Variants in TRHR observed in about 807,000 individuals in gnomAD.
TRHR encodes thyrotropin releasing hormone receptor, also known as thyrotropin-releasing hormone receptor.
In TRHR, 14 loss-of-function variants were observed where a neutral mutation model predicts 28.0. The observed-to-expected ratio is 0.50, with a 90% confidence interval of 0.33 to 0.78. The LOEUF (loss-of-function observed/expected upper bound fraction) is 0.78. Ranked by LOEUF, TRHR falls within the 30% of genes least tolerant of loss-of-function variation. The pLI, the probability that TRHR is intolerant of heterozygous loss-of-function variation, is 0.02. For synonymous variants in TRHR, 176 were observed against 171.9 expected (o/e 1.02, Z -0.18); for missense variants, 438 against 469.5 (o/e 0.93, Z 0.62).
chr8:109,090,760 C>T (rs1194726598), intron 2 of TRHR, among the ~76,000 whole-genome samples: 3 of 152,070 alleles, frequency 2.0e-5, no homozygotes, highest in Non-Finnish European at 4.4e-5. Flanking sequence ...GTATTCCATG[C>T]ATAAAGGACA....
At chr8:109,095,406 A>G (rs992240387) in intron 2 of TRHR, among the ~76,000 whole-genome samples, 2 of 152,182 alleles carry the variant, frequency 1.3e-5, no homozygotes, top group Non-Finnish European at 2.9e-5. Context: ...GGAAAGTTCA[A>G]CAGAAAGGGG....
chr8:109,087,468 T>C lies in TRHR; in HGVS notation c.-45T>C, dbSNP rs760434929. 6.2e-6 allele frequency: 10 copies of C among 1,609,214 alleles called. No homozygotes were observed. Among genetic ancestry groups the C allele is most frequent in the South Asian group, 1.1e-5 (1 of 91,002 alleles). On this transcript the variant is annotated 5_prime_UTR_variant, in exon 2 of 3. It removes an upstream start codon present in the reference 5' UTR. Coordinates refer to ENST00000518632, the MANE Select transcript of TRHR (RefSeq NM_003301.7). ...ATAAAGGTGGGCGCTGGAAAGAAGA[T>C]GTTTTGAGAAGTCAGTGTTTCCGAG...
At chr8:109,095,096 A>T (rs1163549085) in intron 2 of TRHR, among the ~76,000 whole-genome samples, 1 of 151,948 alleles carries the variant, frequency 6.6e-6, no homozygotes, top group East Asian at 1.9e-4. Context: ...GGTCATTCTT[A>T]TTCAATATGT....
intron 2 of TRHR, among the ~76,000 whole-genome samples, chr8:109,101,223 A>T (rs1811673319): frequency 6.6e-6 from 1 of 152,196 alleles, no homozygotes; most frequent in Non-Finnish European, 1.5e-5. Context: ...GCCTAACAGA[A>T]TAAGGTAAAT....
intron 2 of TRHR, among the ~76,000 whole-genome samples, chr8:109,091,838 T>C (rs1211756654): frequency 6.6e-6 from 1 of 152,246 alleles, no homozygotes; most frequent in African/African-American, 2.4e-5. Flanking sequence ...TCTGACTAAA[T>C]ACATTGCTTT....
intron 2 of TRHR, 94 bp from the exon 3 acceptor site, chr8:109,118,954 A>T (rs904968003): frequency 1.7e-4 from 255 of 1,511,306 alleles, no homozygotes; most frequent in Non-Finnish European, 1.7e-4. Flanking sequence ...CTCAGACTAC[A>T]TTTTGGGAAC....
intron 2 of TRHR, among the ~76,000 whole-genome samples, chr8:109,104,306 T>G: frequency 6.6e-6 from 1 of 152,088 alleles, no homozygotes. Context: ...CACCAAAAAT[T>G]TATCATAAAG....
intron 2 of TRHR, among the ~76,000 whole-genome samples, chr8:109,105,325 AC>A (rs1409310143): frequency 2.6e-5 from 4 of 152,208 alleles, no homozygotes; most frequent in Non-Finnish European, 5.9e-5. Flanking sequence ...TGCCAATGGT[AC>A]GAACTCTCAG....
rs1405370061 is a variant in TRHR, at chr8:109,097,863, C to T, written c.789+9562C>T. On this transcript the variant is annotated intron_variant, in intron 2 of 2. Coordinates refer to ENST00000518632, the MANE Select transcript of TRHR (RefSeq NM_003301.7). ...TTGGAGTTTCCATTCCAAATGGGCC[C>T]TCAGGGATTTCTGTCTATACATTTG... Among the ~76,000 whole-genome samples the T allele has an allele frequency of 4.6e-5, 7 of 152,202 alleles. No homozygotes were observed. In the East Asian group the frequency reaches 1.3e-3, roughly 29 times the overall value.
At chr8:109,107,890 T>C (rs1319111379) in intron 2 of TRHR, among the ~76,000 whole-genome samples, 1 of 152,234 alleles carries the variant, frequency 6.6e-6, no homozygotes, top group African/African-American at 2.4e-5. Context: ...CAATGGTTTG[T>C]AAAGCTGAAA....
intron 2 of TRHR, among the ~76,000 whole-genome samples, chr8:109,118,431 A>C (rs1811951569): frequency 6.6e-6 from 1 of 151,888 alleles, no homozygotes; most frequent in Non-Finnish European, 1.5e-5. Flanking sequence ...ATAGGTTAAG[A>C]TAATTTCTTA....
Position 109,120,936 on chromosome 8 carries a change from AT to A in TRHR, c.*1485del, listed in dbSNP as rs1811999335. ...TTTTCCCTCTCCAGCCTATATCCCT[AT>A]TTTATGGACTTTTCTAGAACCTAAT... On this transcript the variant is annotated 3_prime_UTR_variant, in exon 3 of 3. Transcript: ENST00000518632. Among the ~76,000 whole-genome samples the A allele has an allele frequency of 6.6e-6, 1 of 151,478 alleles. No homozygotes were observed. The highest frequency in any genetic ancestry group is 1.5e-5 in the Non-Finnish European group (1 of 67,718).
At chr8:109,101,108 G>C (rs992316137) in intron 2 of TRHR, among the ~76,000 whole-genome samples, 5 of 152,104 alleles carry the variant, frequency 3.3e-5, no homozygotes, top group Admixed American at 3.3e-4. Context: ...GTTAAGTTTG[G>C]GGAAGACCAC....
At chr8:109,099,739 T>C (rs758304955) in intron 2 of TRHR, among the ~76,000 whole-genome samples, 7 of 152,220 alleles carry the variant, frequency 4.6e-5, no homozygotes, top group Non-Finnish European at 7.3e-5. Flanking sequence ...AAGAAAACAC[T>C]GCAACCTTTC....
intron 2 of TRHR, among the ~76,000 whole-genome samples, chr8:109,118,799 G>T (rs75832829): frequency 0.035 from 5,362 of 151,866 alleles, 155 homozygotes; most frequent in South Asian, 0.16. Flanking sequence ...GCCAGAGTTG[G>T]CTATAGGGGG....
In TRHR at chr8:109,087,883, AC is replaced by A; in HGVS notation, c.372del (p.Tyr124Ter). On this transcript the variant is annotated frameshift_variant, in exon 2 of 3. Transcript: ENST00000518632. LOFTEE classifies it high-confidence loss of function. ...CSITAFTIER[Y>X]IAICHPIKAQ... ...ATAACAGCCTTTACCATTGAGAGGTACATAGCAATCTGTCACCCCATCAAAG... is the reference window on the plus strand; with the variant it reads ...ATAACAGCCTTTACCATTGAGAGGTAATAGCAATCTGTCACCCCATCAAAG... 6.2e-7 allele frequency: 1 copy of A among 1,614,218 alleles called. No homozygotes were observed. The highest frequency in any genetic ancestry group is 8.5e-7 in the Non-Finnish European group (1 of 1,180,036).
chr8:109,114,668 C>T (rs995335919), intron 2 of TRHR, among the ~76,000 whole-genome samples: 2 of 152,082 alleles, frequency 1.3e-5, no homozygotes, highest in East Asian at 3.9e-4. Context: ...CAGATTGTCA[C>T]ACATACTTAA....
At chr8:109,093,985 G>A (rs1354377890) in intron 2 of TRHR, among the ~76,000 whole-genome samples, 3 of 152,102 alleles carry the variant, frequency 2.0e-5, no homozygotes, top group Non-Finnish European at 4.4e-5. Context: ...ACATAGGAAA[G>A]GAGGCACAAT....
At chr8:109,090,757 A>G (rs1811506110) in intron 2 of TRHR, among the ~76,000 whole-genome samples, 1 of 152,224 alleles carries the variant, frequency 6.6e-6, no homozygotes, top group Admixed American at 6.5e-5. Flanking sequence ...ACAGTATTCC[A>G]TGCATAAAGG....
Sources: allele counts gnomAD v4.1 joint callset (sites outside exome capture counted in the v4.1 genomes callset), GRCh38; gene constraint gnomAD v4.1.1; transcripts MANE v1.5; gene names NCBI Gene and HGNC (gene_info 2026-07-23, HGNC 2026-07-21).